GPC6: variants seen among roughly 807,000 people sequenced by gnomAD.
The protein encoded by GPC6 is glypican-6.
In GPC6, 14 loss-of-function variants were observed where a neutral mutation model predicts 55.2. The observed-to-expected ratio is 0.25, with a 90% CI of 0.17 to 0.40. The LOEUF (loss-of-function observed/expected upper bound fraction) is 0.40, where lower values mean the gene tolerates loss of function less well. Ranked by LOEUF, GPC6 falls within the 10% of genes least tolerant of loss-of-function variation. The pLI is 1.00. For missense variants in GPC6, 641 were observed against 708.5 expected (o/e 0.90, Z 1.08); for synonymous variants, 278 against 259.6 (o/e 1.07, Z -0.68).
At chr13:94,023,079 A>T (rs1882763265) in intron 3 of GPC6, among the ~76,000 whole-genome samples, 1 of 151,548 alleles carries the variant, frequency 6.6e-6, no homozygotes, top group Non-Finnish European at 1.5e-5. Context: ...CTAAAAAAAT[A>T]ATCTCAGCTT....
At chr13:94,249,853 G>A (rs756183461) in intron 4 of GPC6, among the ~76,000 whole-genome samples, 1 of 152,152 alleles carries the variant, frequency 6.6e-6, no homozygotes, top group Non-Finnish European at 1.5e-5. Context: ...CAGATAGGAG[G>A]TAAGTTGCAA....
At chr13:93,335,438 G>A (rs1167376775) in intron 1 of GPC6, among the ~76,000 whole-genome samples, 1 of 152,118 alleles carries the variant, frequency 6.6e-6, no homozygotes, top group Admixed American at 6.5e-5. Flanking sequence ...TGAAGAGGAG[G>A]AACCTGAAAC....
At chr13:93,530,306 A>G (rs1881815002) in intron 1 of GPC6, among the ~76,000 whole-genome samples, 1 of 152,184 alleles carries the variant, frequency 6.6e-6, no homozygotes, top group Non-Finnish European at 1.5e-5. Flanking sequence ...ACACAGTAGA[A>G]CCATAGTCCC....
At chr13:93,514,040 A>ATTTTTG (rs1881088361) in intron 1 of GPC6, among the ~76,000 whole-genome samples, 1 of 151,622 alleles carries the variant, frequency 6.6e-6, no homozygotes, top group African/African-American at 2.4e-5. Context: ...CGCCCAGCTA[A>ATTTTTG]TTTTTGTATT....
chr13:93,696,930 G>T (rs958863372), intron 2 of GPC6, among the ~76,000 whole-genome samples: 1 of 151,904 alleles, frequency 6.6e-6, no homozygotes, highest in Non-Finnish European at 1.5e-5. Context: ...GGCCACCTCC[G>T]TAACTTTAAA....
chr13:93,472,580 T>C (rs2139330343), intron 1 of GPC6, among the ~76,000 whole-genome samples: 1 of 152,278 alleles, frequency 6.6e-6, no homozygotes, highest in South Asian at 2.1e-4. Context: ...GCCCGGAAGC[T>C]TGGAGATGCC....
At chr13:94,280,603 G>GTTTTT (rs1892351350) in intron 4 of GPC6, among the ~76,000 whole-genome samples, 1 of 152,162 alleles carries the variant, frequency 6.6e-6, no homozygotes, top group African/African-American at 2.4e-5. Flanking sequence ...CTGCAGCCAT[G>GTTTTT]TTTTTCTTTT....
chr13:94,242,776 C>T (rs1231720868), intron 4 of GPC6, among the ~76,000 whole-genome samples: 1 of 151,988 alleles, frequency 6.6e-6, no homozygotes, highest in African/African-American at 2.4e-5. Flanking sequence ...TCATTTGACA[C>T]TAGGAGAAAG....
intron 4 of GPC6, among the ~76,000 whole-genome samples, chr13:94,252,435 G>T (rs139769118): frequency 6.6e-6 from 1 of 151,976 alleles, no homozygotes; most frequent in Non-Finnish European, 1.5e-5. Context: ...TCATGATTAC[G>T]CAATAAAAGG....
At chr13:94,259,200 GC>G (rs1285072066) in intron 4 of GPC6, among the ~76,000 whole-genome samples, 1 of 152,162 alleles carries the variant, frequency 6.6e-6, no homozygotes, top group Admixed American at 6.5e-5. Context: ...CTTCCCAGAA[GC>G]CCCGAGCAAA....
intron 3 of GPC6, among the ~76,000 whole-genome samples, chr13:93,946,332 A>T (rs572725839): frequency 6.6e-6 from 1 of 152,274 alleles, no homozygotes; most frequent in South Asian, 2.1e-4. Context: ...AGGTCTTGCT[A>T]TGTTGCCCAG....
intron 2 of GPC6, among the ~76,000 whole-genome samples, chr13:93,659,311 G>A (rs1179626039): frequency 3.3e-5 from 5 of 151,818 alleles, no homozygotes; most frequent in South Asian, 2.1e-4. Context: ...GCAATTAAAT[G>A]GCTTTTACTT....
chr13:93,397,608 G>A (rs1875908092), intron 1 of GPC6, among the ~76,000 whole-genome samples: 1 of 152,004 alleles, frequency 6.6e-6, no homozygotes, highest in South Asian at 2.1e-4. Context: ...GTTCATTAGG[G>A]TCTTTTCTTC....
chr13:93,313,944 C>T (rs1566293954), intron 1 of GPC6, among the ~76,000 whole-genome samples: 1 of 152,122 alleles, frequency 6.6e-6, no homozygotes, highest in East Asian at 1.9e-4. Flanking sequence ...GTATCAGGCA[C>T]ATATGTTTTC....
chr13:94,048,839 C>T (rs1566335432), intron 4 of GPC6, among the ~76,000 whole-genome samples: 1 of 151,990 alleles, frequency 6.6e-6, no homozygotes, highest in Non-Finnish European at 1.5e-5. Context: ...CCTAACATTG[C>T]CCTGGAACGG....
intron 4 of GPC6, among the ~76,000 whole-genome samples, chr13:94,133,540 A>G (rs897954563): frequency 1.3e-5 from 2 of 152,164 alleles, no homozygotes; most frequent in African/African-American, 4.8e-5. Context: ...CAAAATGAAA[A>G]TAGAGAGCAT....
chr13:93,879,908 A>G (rs1874850567), intron 3 of GPC6, among the ~76,000 whole-genome samples: 4 of 151,536 alleles, frequency 2.6e-5, no homozygotes. Context: ...GGCGAAGGAC[A>G]TGAACAGACA....
At chr13:93,363,255 G>A (rs1173429109) in intron 1 of GPC6, among the ~76,000 whole-genome samples, 1 of 151,456 alleles carries the variant, frequency 6.6e-6, no homozygotes, top group Non-Finnish European at 1.5e-5. Flanking sequence ...TCTAGCGTTA[G>A]GTATATCTCC....
intron 1 of GPC6, among the ~76,000 whole-genome samples, chr13:93,267,043 T>A (rs573076533): frequency 2.5e-4 from 38 of 152,230 alleles, no homozygotes; most frequent in Admixed American, 1.6e-3. Context: ...AGAAAATAAC[T>A]TGTAAAACCC....
Sources: gnomAD v4.1 joint callset for allele counts (sites outside exome capture counted in the v4.1 genomes callset) on GRCh38, gnomAD v4.1.1 for gene constraint, MANE v1.5 for transcripts, NCBI Gene and HGNC (gene_info 2026-07-23, HGNC 2026-07-21) for gene names.